The following GPM6B variants were observed in gnomAD, a reference collection of about 807,000 sequenced individuals.
GPM6B encodes glycoprotein M6B.
A neutral mutation model predicts 27.2 loss-of-function variants in GPM6B; 4 were observed. The observed-to-expected ratio is 0.15, with a 90% CI of 0.07 to 0.34. The LOEUF is 0.34. GPM6B is among the 10% of genes least tolerant of loss of function. The pLI is 1.00. For synonymous variants in GPM6B, 124 were observed against 103.1 expected, an observed-to-expected ratio of 1.20 and a Z score of -1.23; for missense variants, 183 against 261.9, an observed-to-expected ratio of 0.70 and a Z score of 2.08.
At chrX:13,916,002 C>T (rs1344389246) in intron 1 of GPM6B, among the ~76,000 whole-genome samples, 2 of 112,044 alleles carry the variant, frequency 1.8e-5, no homozygotes, top group African/African-American at 6.5e-5. Context: ...GCATCTGCCA[C>T]TTAAATATCC....
At chrX:13,866,243 A>G (rs910261081) in intron 1 of GPM6B, among the ~76,000 whole-genome samples, 12 of 112,047 alleles carry the variant, frequency 1.1e-4, no homozygotes, top group Non-Finnish European at 2.3e-4. Context: ...CATGCCTGTA[A>G]TCCCAGCTAC....
intron 1 of GPM6B, among the ~76,000 whole-genome samples, chrX:13,852,147 T>G (rs1205068803): frequency 9.0e-6 from 1 of 110,639 alleles, no homozygotes; most frequent in Non-Finnish European, 1.9e-5. Context: ...GGCCATCTGG[T>G]CTCTTTTGCA....
intron 2 of GPM6B, among the ~76,000 whole-genome samples, chrX:13,804,126 T>C (rs758159004): frequency 1.8e-5 from 2 of 111,603 alleles, no homozygotes; most frequent in Admixed American, 9.5e-5. Context: ...ATGCAGATTC[T>C]GATTCAGTGG....
At chrX:13,827,460 G>A (rs1268812099) in intron 1 of GPM6B, among the ~76,000 whole-genome samples, 1 of 108,797 alleles carries the variant, frequency 9.2e-6, no homozygotes, top group Admixed American at 9.9e-5. Context: ...CCCCTTCTTA[G>A]CATTCTAACT....
At chrX:13,817,662 T>C (rs1375268945), upstream of GPM6B, among the ~76,000 whole-genome samples, 2 of 112,542 alleles carry the variant, frequency 1.8e-5, no homozygotes, top group Non-Finnish European at 3.7e-5. Flanking sequence ...TCTAGATAAG[T>C]ACATTGCTTT....
At chrX:13,831,841 T>C (rs1049939528) in intron 1 of GPM6B, among the ~76,000 whole-genome samples, 12 of 111,944 alleles carry the variant, frequency 1.1e-4, no homozygotes, top group Non-Finnish European at 2.3e-4. Context: ...ATTACAAAGA[T>C]ATTTTATAAT....
intron 1 of GPM6B, among the ~76,000 whole-genome samples, chrX:13,837,324 G>A (rs2147223665): frequency 9.0e-6 from 1 of 111,635 alleles, no homozygotes; most frequent in South Asian, 3.8e-4. Flanking sequence ...CTAGTCCCCT[G>A]TAGAAGTTCC....
intron 1 of GPM6B, among the ~76,000 whole-genome samples, chrX:13,876,501 C>T (rs2188769): frequency 0.012 from 1,350 of 111,841 alleles, 63 homozygotes; most frequent in Admixed American, 0.12. Flanking sequence ...GGAGTGGTAC[C>T]AAAAGCCCTG....
intron 1 of GPM6B, among the ~76,000 whole-genome samples, chrX:13,813,563 T>C (rs1772210037): frequency 8.9e-6 from 1 of 112,026 alleles, no homozygotes; most frequent in Non-Finnish European, 1.9e-5. Context: ...ATAATTTTCA[T>C]AACAGATAGA....
chrX:13,920,080 A>G (rs781668688), intron 1 of GPM6B, among the ~76,000 whole-genome samples: 3 of 109,570 alleles, frequency 2.7e-5, no homozygotes, highest in East Asian at 2.9e-4. Context: ...CCCGGCCAAC[A>G]TGGTGAAACC....
intron 7 of GPM6B, chrX:13,773,945 T>C (rs1416360036): frequency 1.4e-6 from 1 of 693,040 alleles, no homozygotes; most frequent in Non-Finnish European, 1.7e-6. Context: ...ACTACCCACA[T>C]ATAAATCCTT....
Position 13,816,855 on chromosome X carries a change from T to C in GPM6B, c.50A>G (p.Gln17Arg). 1 of 1,210,834 alleles carries C rather than the reference T, an allele frequency of 8.3e-7. No individual in the cohort carries two copies. The highest frequency in any genetic ancestry group is 2.2e-5 in the Admixed American group (1 of 45,982). Reference sequence around the variant, plus strand: ...AGAGCGCTGGGTACCTTTTCTCTCTTGGCTTTGTTCAGTATTTTCCTCGGC... The same window carrying C: ...AGAGCGCTGGGTACCTTTTCTCTCTCGGCTTTGTTCAGTATTTTCCTCGGC... ...TAAEENTEQS[Q>R]ERKVNSRAEM... The change falls in exon 1 of 8, where the codon CAA (glutamine) becomes CGA (arginine). Residue 17 changes from glutamine to arginine, a missense_variant. Gln to Arg is a conservative substitution (Grantham distance 43). Transcript: ENST00000316715.
chrX:13,852,977 G>C (rs1205605613), intron 1 of GPM6B, among the ~76,000 whole-genome samples: 1 of 109,936 alleles, frequency 9.1e-6, no homozygotes, highest in Non-Finnish European at 1.9e-5. Context: ...TTTTGTACAG[G>C]TATTGTTACA....
At chrX:13,787,890 CTAACAAAGTTG>C (rs2048642750) in intron 2 of GPM6B, among the ~76,000 whole-genome samples, 1 of 112,438 alleles carries the variant, frequency 8.9e-6, no homozygotes, top group African/African-American at 3.2e-5. Context: ...GCTTTCCTGG[CTAACAAAGTTG>C]TATCTGGTTC....
At chrX:13,820,403 A>G (rs1052835192), upstream of GPM6B, among the ~76,000 whole-genome samples, 6 of 110,440 alleles carry the variant, frequency 5.4e-5, no homozygotes, top group Admixed American at 9.6e-5. Flanking sequence ...AACCAAAGAG[A>G]AGGAAGAAGT....
intron 3 of GPM6B, chrX:13,783,778 C>T (rs138189184): frequency 4.5e-6 from 2 of 449,140 alleles, no homozygotes; most frequent in African/African-American, 4.8e-5. Flanking sequence ...TTAATCCTTA[C>T]CTGAGTCCTG....
At chrX:13,787,919 A>G (rs1006856194) in intron 2 of GPM6B, among the ~76,000 whole-genome samples, 1 of 112,470 alleles carries the variant, frequency 8.9e-6, no homozygotes, top group Non-Finnish European at 1.9e-5. Flanking sequence ...TTCTTAAAGG[A>G]TAAAGATGTG....
intron 5 of GPM6B, among the ~76,000 whole-genome samples, chrX:13,778,220 T>C (rs1424040145): frequency 2.7e-5 from 3 of 110,670 alleles, no homozygotes; most frequent in Non-Finnish European, 3.8e-5. Flanking sequence ...AGCTAAGTTT[T>C]GTATTTTTAG....
At chrX:13,838,650 G>A (rs1303053381) in intron 1 of GPM6B, among the ~76,000 whole-genome samples, 1 of 112,013 alleles carries the variant, frequency 8.9e-6, no homozygotes, top group Non-Finnish European at 1.9e-5. Flanking sequence ...GCACCAGCTG[G>A]GGGCTGAGCT....
Sources: gnomAD v4.1 joint callset for allele counts (sites outside exome capture counted in the v4.1 genomes callset) on GRCh38, gnomAD v4.1.1 for gene constraint, MANE v1.5 for transcripts, NCBI Gene and HGNC (gene_info 2026-07-23, HGNC 2026-07-21) for gene names.